ZNF44: variants seen among roughly 807,000 people sequenced by gnomAD.
ZNF44 encodes zinc finger protein 44.
A neutral mutation model predicts 11.7 loss-of-function variants in ZNF44; 9 were observed. The ratio of observed to expected loss-of-function variants is 0.77; its 90% CI spans 0.46 to 1.35. The LOEUF is 1.35. Among genes scored for constraint, ZNF44 ranks in the 40% most tolerant of loss-of-function variants. ZNF44 has a pLI of 0.00. For synonymous variants in ZNF44, 224 were observed against 242.7 expected, an observed-to-expected ratio of 0.92 and a Z score of 0.72; for missense variants, 696 against 743.1, an observed-to-expected ratio of 0.94 and a Z score of 0.74.
exon 8 of ZNF44, chr19:12,248,190 C>T: frequency 1.5e-6 from 2 of 1,308,132 alleles, no homozygotes; most frequent in Non-Finnish European, 2.0e-6. Context: ...ACATTCCTTA[C>T]ATTTGTAGGG....
At chr19:12,233,468 G>T (rs1407989270) in intron 2 of ZNF44, among the ~76,000 whole-genome samples, 1 of 149,698 alleles carries the variant, frequency 6.7e-6, no homozygotes, top group Non-Finnish European at 1.5e-5. Context: ...ACAATAACAA[G>T]GCCCGGAGAA....
At chr19:12,245,520 G>A (rs1309755906), downstream of ZNF44, among the ~76,000 whole-genome samples, 1 of 152,206 alleles carries the variant, frequency 6.6e-6, no homozygotes, top group Non-Finnish European at 1.5e-5. Flanking sequence ...TGTCAGAGCA[G>A]TTACTGCACA....
Position 12,275,942 on chromosome 19 carries a change from G to A in ZNF44, c.130+14C>T, listed in dbSNP as rs1300140934. On this transcript the variant is annotated intron_variant, in intron 2 of 3. Transcript: ENST00000355684. ...TCTCTAATTGACCAAATGAAGACAT[G>A]ATGTCATCCATACCTATACAGTTCA... The A allele has an allele frequency of 1.3e-6, 2 of 1,587,290 alleles. No individual in the cohort carries two copies. Among genetic ancestry groups the A allele is most frequent in the Non-Finnish European group, 1.7e-6 (2 of 1,164,450 alleles).
Position 12,273,832 on chromosome 19 carries a change from A to G in ZNF44, c.423T>C (p.Tyr141=), listed in dbSNP as rs747761222. 6.2e-7 allele frequency: 1 copy of G among 1,614,230 alleles called. No homozygotes were observed. Among genetic ancestry groups the G allele is most frequent in the South Asian group, 1.1e-5 (1 of 91,086 alleles). ...RECHEYAEKS[Y]THKQCGKGLS... is the part of the protein sequence containing the mutation. ...AGCCTTTCCCACACTGCTTATGTGT[A>G]TATGACTTCTCTGCATATTCATGAC... The change falls in exon 4 of 4, where the codon TAT becomes TAC. Residue 141 remains tyrosine, a synonymous_variant. Transcript: ENST00000355684.
rs536962415 is a variant in ZNF44, at chr19:12,282,327, C to A, written c.4-6245G>T. On this transcript the variant is annotated intron_variant, in intron 1 of 3. Transcript: ENST00000355684. ...TACAGGAATCAGGTCACTGGTCTCA[C>A]ATATAGGCATTAAGCTCCCTGCCAA... 2.6e-5 allele frequency among the ~76,000 whole-genome samples: 4 copies of A among 152,032 alleles called. No homozygotes were observed. In the South Asian group the frequency reaches 8.3e-4, roughly 32 times the overall value.
chr19:12,293,661 G>A (rs1050438915), intron 1 of ZNF44, among the ~76,000 whole-genome samples: 1 of 152,138 alleles, frequency 6.6e-6, no homozygotes, highest in Non-Finnish European at 1.5e-5. Flanking sequence ...GGGAATTGAG[G>A]AGTGAAGTTA....
chr19:12,261,436 C>T (rs886943152), intron 5 of ZNF44, among the ~76,000 whole-genome samples: 41 of 152,280 alleles, frequency 2.7e-4, no homozygotes, highest in African/African-American at 9.4e-4. Context: ...GAGTTCAAGA[C>T]CAGCCTGAGC....
intron 2 of ZNF44, among the ~76,000 whole-genome samples, chr19:12,231,124 G>C (rs1723601980): frequency 6.6e-6 from 1 of 150,508 alleles, no homozygotes; most frequent in Non-Finnish European, 1.5e-5. Flanking sequence ...CGGTCACCCA[G>C]CCTCTAGTCA....
Position 12,292,979 on chromosome 19 carries a change from C to T in ZNF44, c.3+1713G>A, listed in dbSNP as rs956349915. On this transcript the variant is annotated intron_variant, in intron 1 of 3. Transcript: ENST00000355684. ...CCACCTCCCAGGTTCAAGTGATTCT[C>T]CTGCCTCAGCCTCCCATGTAGCTGG... Among the ~76,000 whole-genome samples, 3 of 149,654 alleles carry T rather than the reference C, an allele frequency of 2.0e-5. No individual in the cohort carries two copies. In the Admixed American group the frequency reaches 2.0e-4, roughly 10 times the overall value.
chr19:12,273,447 T>C lies in ZNF44; in HGVS notation c.808A>G (p.Arg270Gly). The change falls in exon 4 of 4, where the codon AGA becomes GGA. Residue 270 changes from arginine to glycine, a missense_variant. Coordinates refer to ENST00000355684, the MANE Select transcript of ZNF44 (RefSeq NM_016264.4). ...TCTCCAGTGTGAGTTCTTTCATGTC[T>C]TAGATATGAACTGTAATCAGGGAAG... is the stretch of plus-strand genomic sequence containing the variant. Reference protein sequence around the residue: ...KAFPDYSSYLRHERTHTGEKP... With the variant: ...KAFPDYSSYLGHERTHTGEKP... 1 of 1,614,212 alleles carries C rather than the reference T, an allele frequency of 6.2e-7. No individual in the cohort carries two copies. Among genetic ancestry groups the C allele is most frequent in the African/African-American group, 1.3e-5 (1 of 75,056 alleles).
chr19:12,239,440 A>AGAT (rs1192269946), upstream of ZNF44, among the ~76,000 whole-genome samples: 1 of 138,166 alleles, frequency 7.2e-6, no homozygotes, highest in Non-Finnish European at 1.5e-5. Context: ...TTTTTAAACA[A>AGAT]GATGGGGGTC....
intron 3 of ZNF44, among the ~76,000 whole-genome samples, chr19:12,228,901 T>A (rs1456639762): frequency 6.6e-6 from 1 of 152,200 alleles, no homozygotes; most frequent in Non-Finnish European, 1.5e-5. Flanking sequence ...TAGTTTTGTT[T>A]GTTTTGATAC....
At position 12,293,915 on chromosome 19, in the gene ZNF44, G is replaced by C. The variant is rs902017139; in HGVS notation, c.3+777C>G. Among the ~76,000 whole-genome samples the C allele has an allele frequency of 3.3e-5, 5 of 152,276 alleles. No homozygotes were observed. The South Asian group carries it at 1.0e-3, about 32-fold the overall frequency. On this transcript the variant is annotated intron_variant, in intron 1 of 3. Transcript: ENST00000355684. ...ACCGTCACCGTGCAGCCTCCTCACCGGGCTCACAGGAACTGCGAGCCAGGC... is the reference window on the plus strand; with the variant it reads ...ACCGTCACCGTGCAGCCTCCTCACCCGGCTCACAGGAACTGCGAGCCAGGC...
exon 1 of ZNF44, chr19:12,237,479 T>C: frequency 6.0e-6 from 1 of 167,302 alleles, no homozygotes; most frequent in Non-Finnish European, 1.3e-5. Context: ...GTGTCCCGGG[T>C]CCTCCCTTGG....
At chr19:12,251,097 C>T (rs1004208608) in intron 5 of ZNF44, among the ~76,000 whole-genome samples, 5 of 151,876 alleles carry the variant, frequency 3.3e-5, no homozygotes, top group African/African-American at 4.8e-5. Context: ...TTTGGGAGAC[C>T]GAGGAGGGTG....
chr19:12,273,646 C>T lies in ZNF44; in HGVS notation c.609G>A (p.Gly203=), dbSNP rs761453456. Residue 203 remains glycine, a synonymous_variant, in exon 4 of 4, where the codon GGG becomes GGA. Transcript: ENST00000355684. ...ATAAACTGGGCCAAAAAAAGGCTTT[C>T]CCACACAATTCACATTTATAAGGTC... The part of the protein sequence containing the change: ...GDGPYKCELC[G]KAFFWPSLLR... 2.5e-6 allele frequency: 4 copies of T among 1,614,044 alleles called. No individual in the cohort carries two copies. In the African/African-American group the frequency reaches 5.3e-5, roughly 22 times the overall value.
chr19:12,272,230 C>T lies in ZNF44; in HGVS notation c.*177G>A. On this transcript the variant is annotated 3_prime_UTR_variant, in exon 4 of 4. Coordinates refer to ENST00000355684, the MANE Select transcript of ZNF44 (RefSeq NM_016264.4). The stretch of plus-strand genomic sequence containing the variant: ...ATGTTAGCCAGGCTGGTCTCGATCT[C>T]CTGGCCTCGTGATCTGCCCTCCTCG... The T allele has an allele frequency of 9.2e-7, 1 of 1,088,672 alleles. No homozygotes were observed. The highest frequency in any genetic ancestry group is 1.2e-6 in the Non-Finnish European group (1 of 845,656). The allele number at this position is 1,088,672 out of a possible 1,614,324, so 67.4% of individuals were successfully genotyped here.
chr19:12,293,275 C>A lies in ZNF44; in HGVS notation c.3+1417G>T, dbSNP rs192400437. 12 of 1,536,930 alleles carry A rather than the reference C, an allele frequency of 7.8e-6. No homozygotes were observed. The Admixed American group carries it at 7.9e-5, about 10-fold the overall frequency. ...CCACTCCAACACCTCAGGCTGTCCT[C>A]TGGGAAGAGTGACCCAAGGGCCGAT... On this transcript the variant is annotated intron_variant, in intron 1 of 3. Coordinates refer to ENST00000355684, the MANE Select transcript of ZNF44 (RefSeq NM_016264.4).
intron 1 of ZNF44, among the ~76,000 whole-genome samples, chr19:12,287,331 C>T (rs1967806098): frequency 6.6e-6 from 1 of 152,102 alleles, no homozygotes; most frequent in Admixed American, 6.6e-5. Flanking sequence ...TCTCCTGCCT[C>T]AGCCTCCCGA....
Sources: allele counts gnomAD v4.1 joint callset (sites outside exome capture counted in the v4.1 genomes callset), GRCh38; gene constraint gnomAD v4.1.1; transcripts MANE v1.5; gene names NCBI Gene and HGNC (gene_info 2026-07-23, HGNC 2026-07-21).